CD99L2: variants seen among roughly 807,000 people sequenced by gnomAD.
The protein encoded by CD99L2 is CD99 molecule like 2, also known as CD99 antigen-like protein 2.
Under a neutral mutation model 27.3 loss-of-function variants are expected in CD99L2, and 24 were observed. The ratio of observed to expected loss-of-function variants is 0.88; its 90% CI spans 0.64 to 1.24. The LOEUF is 1.24. Ranked by LOEUF, CD99L2 falls within the 50% of genes most tolerant of loss-of-function variation. The pLI is 0.00. For synonymous variants in CD99L2, 97 were observed against 87.9 expected (o/e 1.10, Z -0.58); for missense variants, 255 against 221.6 (o/e 1.15, Z -0.96).
chrX:150,859,540 C>T (rs1339146745), intron 1 of CD99L2, among the ~76,000 whole-genome samples: 3 of 107,608 alleles, frequency 2.8e-5, no homozygotes, highest in East Asian at 3.0e-4. Context: ...TCTTGTTGCC[C>T]GGGCTGGAAT....
At chrX:150,770,615 T>C (rs1216622819) in intron 9 of CD99L2, among the ~76,000 whole-genome samples, 1 of 112,857 alleles carries the variant, frequency 8.9e-6, no homozygotes, top group Non-Finnish European at 1.9e-5. Context: ...CAGCGAAGGC[T>C]TCCGGCACTC....
At position 150,881,445 on chromosome X, in the gene CD99L2, T is replaced by C. The variant is rs192241227; in HGVS notation, c.67+17077A>G. 4.8e-3 allele frequency among the ~76,000 whole-genome samples: 538 copies of C among 112,212 alleles called. 20 individuals carry two copies. The East Asian group carries it at 0.12, about 25-fold the overall frequency. On this transcript the variant is annotated intron_variant, in intron 1 of 10. Coordinates refer to ENST00000370377, the MANE Select transcript of CD99L2 (RefSeq NM_031462.4). ...AATACCTGTCACAATGCTCTGCCCCTGCCCTGCCAATCCTCAACTTTGAAA... is the reference window on the plus strand; with the variant it reads ...AATACCTGTCACAATGCTCTGCCCCCGCCCTGCCAATCCTCAACTTTGAAA...
intron 1 of CD99L2, among the ~76,000 whole-genome samples, chrX:150,874,821 G>A (rs1281125802): frequency 9.0e-6 from 1 of 111,460 alleles, no homozygotes; most frequent in Non-Finnish European, 1.9e-5. Context: ...CTTCAATTTC[G>A]GTGTTCCCCA....
intron 1 of CD99L2, among the ~76,000 whole-genome samples, chrX:150,867,198 C>T (rs1312058332): frequency 9.1e-6 from 1 of 110,195 alleles, no homozygotes; most frequent in East Asian, 2.9e-4. Flanking sequence ...TCACTCGAGT[C>T]CAGGAGTTCA....
chrX:150,790,381 C>G (rs1014464398), intron 7 of CD99L2, among the ~76,000 whole-genome samples: 14 of 109,793 alleles, frequency 1.3e-4, no homozygotes, highest in Non-Finnish European at 1.7e-4. Context: ...AAAACATCAA[C>G]CAGGTGGGTG....
At chrX:150,838,969 T>C (rs1400442484) in intron 1 of CD99L2, among the ~76,000 whole-genome samples, 14 of 100,912 alleles carry the variant, frequency 1.4e-4, no homozygotes, top group African/African-American at 4.7e-4. Flanking sequence ...ACAAATGAGA[T>C]TAAAAGATAT....
Position 150,831,374 on chromosome X carries a change from C to T in CD99L2, c.68-81G>A. On this transcript the variant is annotated intron_variant, in intron 1 of 10. Transcript: ENST00000370377. Reference sequence around the variant, plus strand: ...AATATCCTCTAGAAATGGTCATTTCCCTTTAGAAAGTGAAGGAATAACAAA... The same window carrying T: ...AATATCCTCTAGAAATGGTCATTTCTCTTTAGAAAGTGAAGGAATAACAAA... The T allele has an allele frequency of 3.6e-6, 3 of 831,515 alleles. No individual in the cohort carries two copies. In the South Asian group the frequency reaches 7.7e-5, roughly 21 times the overall value. 68.5% of individuals were successfully genotyped at this position (831,515 alleles called of 1,213,427 possible).
intron 1 of CD99L2, among the ~76,000 whole-genome samples, chrX:150,873,089 C>T (rs782606265): frequency 1.7e-3 from 193 of 112,324 alleles, no homozygotes; most frequent in Non-Finnish European, 3.1e-3. Context: ...AGCTGGTTAC[C>T]GACGAGCATG....
rs782029978 is a variant in CD99L2, at chrX:150,799,819, G to A, written c.278-4333C>T. ...TGCAGCTGCTGTGGAAAACAGTTTG[G>A]TACTTCCTCAAAATGTGAAACAGAG... On this transcript the variant is annotated intron_variant, in intron 4 of 10. Coordinates refer to ENST00000370377, the MANE Select transcript of CD99L2 (RefSeq NM_031462.4). Among the ~76,000 whole-genome samples, 3 of 111,656 alleles carry A rather than the reference G, an allele frequency of 2.7e-5. No homozygotes were observed. In the East Asian group the frequency reaches 8.4e-4, roughly 31 times the overall value.
At chrX:150,816,297 G>T (rs1007912726) in intron 2 of CD99L2, 33 of 401,205 alleles carry the variant, frequency 8.2e-5, no homozygotes, top group Non-Finnish European at 1.4e-4. Flanking sequence ...GGAGGCTGAG[G>T]GTGGTGAGGT....
chrX:150,778,508 G>A lies in CD99L2; in HGVS notation c.497-1026C>T, dbSNP rs184667449. Among the ~76,000 whole-genome samples, 680 of 104,417 alleles carry A rather than the reference G, an allele frequency of 6.5e-3. 6 individuals carry two copies. Among genetic ancestry groups the A allele is most frequent in the African/African-American group, 0.023 (648 of 28,390 alleles). The allele number at this position is 104,417 out of a possible 115,157, so 90.7% of individuals were successfully genotyped here. ...GGGGAGGCTGTGCACATGTGGGGGT[G>A]GGGGAAACATGAGAACTCTCTGTAC... On this transcript the variant is annotated intron_variant, in intron 7 of 10. Transcript: ENST00000370377.
intron 9 of CD99L2, among the ~76,000 whole-genome samples, chrX:150,773,449 T>TAA (rs1391147683): frequency 3.5e-5 from 4 of 113,017 alleles, no homozygotes; most frequent in Non-Finnish European, 7.5e-5. Flanking sequence ...GCATGCTTTT[T>TAA]AAAGTCTCAA....
At chrX:150,836,961 T>C (rs1245914930) in intron 1 of CD99L2, among the ~76,000 whole-genome samples, 1 of 112,353 alleles carries the variant, frequency 8.9e-6, no homozygotes, top group Admixed American at 9.4e-5. Flanking sequence ...AATATCACCA[T>C]GTGGCACGTG....
rs1314319511 is a variant in CD99L2, at chrX:150,770,652, G to A, written c.656-283C>T. ...ATCCTCATAGGGCAGCTGCCACCGC[G>A]TCAAGACGGCAGCTCCGCCCAGTGG... On this transcript the variant is annotated intron_variant, in intron 9 of 10. Coordinates refer to ENST00000370377, the MANE Select transcript of CD99L2 (RefSeq NM_031462.4). Among the ~76,000 whole-genome samples, 10 of 113,099 alleles carry A rather than the reference G, an allele frequency of 8.8e-5. No homozygotes were observed. In the East Asian group the frequency reaches 1.1e-3, roughly 13 times the overall value.
At chrX:150,780,234 A>G (rs1374441211) in intron 7 of CD99L2, among the ~76,000 whole-genome samples, 1 of 111,762 alleles carries the variant, frequency 8.9e-6, no homozygotes, top group African/African-American at 3.3e-5. Context: ...ATCCACTAGG[A>G]TAACTATAAT....
At chrX:150,835,785 T>C (rs1218213991) in intron 1 of CD99L2, among the ~76,000 whole-genome samples, 3 of 111,678 alleles carry the variant, frequency 2.7e-5, no homozygotes, top group Non-Finnish European at 3.8e-5. Context: ...CACTAGAATG[T>C]TGAAGGCTCA....
intron 7 of CD99L2, among the ~76,000 whole-genome samples, chrX:150,783,607 A>G (rs1196028360): frequency 8.9e-6 from 1 of 111,834 alleles, no homozygotes; most frequent in Non-Finnish European, 1.9e-5. Context: ...AATGTGCCCA[A>G]TTTGATTCGA....
chrX:150,837,373 C>T (rs1055883939), intron 1 of CD99L2, among the ~76,000 whole-genome samples: 1 of 111,076 alleles, frequency 9.0e-6, no homozygotes, highest in East Asian at 2.8e-4. Flanking sequence ...TCTCAGCCTC[C>T]TGAGTAGCTG....
intron 7 of CD99L2, among the ~76,000 whole-genome samples, chrX:150,783,150 A>AG (rs1329858458): frequency 0.26 from 379 of 1,434 alleles, 6 homozygotes; most frequent in Middle Eastern, 0.5. Flanking sequence ...GTCGGGGGGT[A>AG]GGGGGGTAGG....
Sources: allele counts gnomAD v4.1 joint callset (sites outside exome capture counted in the v4.1 genomes callset), GRCh38; gene constraint gnomAD v4.1.1; transcripts MANE v1.5; gene names NCBI Gene and HGNC (gene_info 2026-07-23, HGNC 2026-07-21).